LOXL1: variants seen among roughly 807,000 people sequenced by gnomAD.
LOXL1 encodes lysyl oxidase homolog 1.
In LOXL1, 31 loss-of-function variants were observed where a neutral mutation model predicts 62.2. The observed-to-expected ratio is 0.50, with a 90% confidence interval of 0.37 to 0.67. The LOEUF (loss-of-function observed/expected upper bound fraction) is 0.67. LOXL1 is among the 30% of genes least tolerant of loss of function. The probability of loss-of-function intolerance (pLI) is 0.00; values close to 1 mark genes in which losing one functional copy is unlikely to be tolerated. For synonymous variants in LOXL1, 403 were observed against 384.4 expected (o/e 1.05, Z -0.56); for missense variants, 775 against 843.4 (o/e 0.92, Z 1.00).
At chr15:73,938,319 G>GA (rs1166922192) in intron 1 of LOXL1, among the ~76,000 whole-genome samples, 29 of 91,014 alleles carry the variant, frequency 3.2e-4, no homozygotes, top group Admixed American at 1.1e-3. Context: ...ATCTATCTAG[G>GA]TAGATAGATA....
At chr15:73,944,411 C>T (rs1438256917) in intron 2 of LOXL1, among the ~76,000 whole-genome samples, 1 of 152,222 alleles carries the variant, frequency 6.6e-6, no homozygotes, top group Non-Finnish European at 1.5e-5. Context: ...CAGCCCTCAC[C>T]TGTACCCCAG....
chr15:73,927,327 G>A lies in LOXL1; in HGVS notation c.544G>A (p.Ala182Thr), dbSNP rs752419619. The A allele has an allele frequency of 8.1e-6, 13 of 1,603,302 alleles. No individual in the cohort carries two copies. The highest frequency in any genetic ancestry group is 1.7e-4 in the Middle Eastern group (1 of 6,030). The change falls in exon 1 of 7, where the codon GCG (alanine) becomes ACG (threonine). Residue 182 changes from alanine (A) to threonine (T), a missense_variant. Transcript: ENST00000261921. ...SYPQQFPYPQ[A>T]PFVSQYENYD... ...CCCGCAGCAGTTCCCCTACCCGCAGGCGCCCTTCGTCAGCCAGTACGAGAA... is the reference window on the plus strand; with the variant it reads ...CCCGCAGCAGTTCCCCTACCCGCAGACGCCCTTCGTCAGCCAGTACGAGAA...
intron 6 of LOXL1, 35 bp downstream of exon 6, chr15:73,949,609 C>G: frequency 6.9e-7 from 1 of 1,455,920 alleles, no homozygotes. Context: ...CTGGCTCCGT[C>G]CCTTTCCTGC....
At chr15:73,929,836 A>G (rs1055697461) in intron 1 of LOXL1, among the ~76,000 whole-genome samples, 2 of 152,234 alleles carry the variant, frequency 1.3e-5, no homozygotes, top group Non-Finnish European at 2.9e-5. Flanking sequence ...GGGCAGAGAA[A>G]ACTGAGCTCT....
chr15:73,944,308 A>C (rs1270760701), intron 2 of LOXL1, among the ~76,000 whole-genome samples: 1 of 152,246 alleles, frequency 6.6e-6, no homozygotes, highest in Admixed American at 6.5e-5. Context: ...CTCTTCATGA[A>C]GGATCCTGAG....
At chr15:73,939,696 T>C (rs574607615) in intron 1 of LOXL1, among the ~76,000 whole-genome samples, 1 of 152,292 alleles carries the variant, frequency 6.6e-6, no homozygotes, top group South Asian at 2.1e-4. Context: ...TTTATACATT[T>C]GTTAGAACTT....
Position 73,929,366 on chromosome 15 carries a change from GCCT to G in LOXL1, c.1102+1489_1102+1491del, listed in dbSNP as rs570166223. Among the ~76,000 whole-genome samples, 131 of 152,348 alleles carry G rather than the reference GCCT, an allele frequency of 8.6e-4. 3 individuals carry two copies. The Middle Eastern group carries it at 0.01, about 12-fold the overall frequency. On this transcript the variant is annotated intron_variant, in intron 1 of 6. Transcript: ENST00000261921. The stretch of plus-strand genomic sequence containing the variant: ...TCAGAGTATAGGTGCTAGTGCCCCA[GCCT>G]CCTCCTCAGCCTCTGTCAGCAGAGG...
intron 4 of LOXL1, 154 bp downstream of exon 4, chr15:73,947,377 C>T (rs2068755616): frequency 1.3e-6 from 1 of 758,990 alleles, no homozygotes; most frequent in Non-Finnish European, 2.1e-6. Flanking sequence ...GGCTGCCACA[C>T]TGCCCTGCAG....
In LOXL1 at chr15:73,945,179, T is replaced by C. The variant is rs1299430731; in HGVS notation, c.1212-1238T>C. 3.3e-5 allele frequency among the ~76,000 whole-genome samples: 5 copies of C among 152,172 alleles called. No homozygotes were observed. The highest frequency in any genetic ancestry group is 4.8e-5 in the African/African-American group (2 of 41,434). On this transcript the variant is annotated intron_variant, in intron 2 of 6. Transcript: ENST00000261921. The surrounding 1 kb of genome is among the most constrained non-coding windows in gnomAD (Gnocchi z 4.3). ...CTTTTGTCACAAGGCCTACCTCAGT[T>C]GGAAATCTGGAGTCAGCAGGTGACT...
In LOXL1 at chr15:73,927,258, T is replaced by G. The variant is rs78803776; in HGVS notation, c.475T>G (p.Ser159Ala). Residue 159 changes from serine to alanine, a missense_variant, in exon 1 of 7, where the codon TCG becomes GCG. Physicochemically the swap from Ser to Ala is moderately conservative, Grantham distance 99 (BLOSUM62 1). Transcript: ENST00000261921. ...QRHGGSASSV[S>A]ASAFASTYRQ... ...GCACGGGGGCTCCGCCTCCTCGGTCTCGGCTTCGGCCTTCGCCAGCACCTA... is the reference window on the plus strand; with the variant it reads ...GCACGGGGGCTCCGCCTCCTCGGTCGCGGCTTCGGCCTTCGCCAGCACCTA... 8.2e-3 allele frequency: 13,139 copies of G among 1,601,216 alleles called. 913 individuals are homozygous for G. The African/African-American group carries it at 0.16, about 19-fold the overall frequency.
intron 1 of LOXL1, among the ~76,000 whole-genome samples, chr15:73,933,777 C>T (rs2068651613): frequency 6.6e-6 from 1 of 152,254 alleles, no homozygotes; most frequent in Non-Finnish European, 1.5e-5. Flanking sequence ...CCAGGCGGCC[C>T]ACACCTCCTT....
chr15:73,935,255 T>C (rs990752913), intron 1 of LOXL1, among the ~76,000 whole-genome samples: 1 of 150,760 alleles, frequency 6.6e-6, no homozygotes, highest in Non-Finnish European at 1.5e-5. Flanking sequence ...TTCCAGAGAG[T>C]AGGAAGAGTG....
At chr15:73,931,495 T>C (rs1363186808) in intron 1 of LOXL1, among the ~76,000 whole-genome samples, 1 of 152,080 alleles carries the variant, frequency 6.6e-6, no homozygotes, top group African/African-American at 2.4e-5. Flanking sequence ...TAGAGGCACC[T>C]CCTTCCTGTC....
Position 73,927,812 on chromosome 15 carries a change from TG to T in LOXL1, c.1033del (p.Glu345SerfsTer82), listed in dbSNP as rs1421898046. On this transcript the variant is annotated frameshift_variant, in exon 1 of 7. Coordinates refer to ENST00000261921, the MANE Select transcript of LOXL1 (RefSeq NM_005576.4). LOFTEE classifies it high-confidence loss of function. The part of the protein sequence containing the change: ...VRSSDTPPPG[G>X]ERNGAQQGRL... Reference sequence around the variant, plus strand: ...GCAGCTCCGACACGCCCCCGCCGGGTGGGGAGCGGAACGGCGCGCAGCAGGG... The same window carrying T: ...GCAGCTCCGACACGCCCCCGCCGGGTGGGAGCGGAACGGCGCGCAGCAGGG... The T allele has an allele frequency of 7.3e-7, 1 of 1,367,898 alleles. No homozygotes were observed. Among genetic ancestry groups the T allele is most frequent in the Non-Finnish European group, 9.4e-7 (1 of 1,069,472 alleles). The allele number at this position is 1,367,898 out of a possible 1,614,324, so 84.7% of individuals were successfully genotyped here. A position where few individuals can be genotyped will look rare whatever the true frequency, so the allele number is the denominator to read the frequency against.
chr15:73,940,594 G>A (rs1156844485), intron 1 of LOXL1, among the ~76,000 whole-genome samples: 3 of 152,046 alleles, frequency 2.0e-5, no homozygotes, highest in African/African-American at 4.8e-5. Flanking sequence ...GACCAGCATC[G>A]GGACTCAGAC....
At chr15:73,935,696 T>G (rs28739347) in intron 1 of LOXL1, among the ~76,000 whole-genome samples, 1,866 of 152,236 alleles carry the variant, frequency 0.012, 43 homozygotes, top group African/African-American at 0.043. Context: ...GACCTCCGCA[T>G]TGGTTAGCAT....
intron 1 of LOXL1, among the ~76,000 whole-genome samples, chr15:73,934,103 CA>C (rs2068653959): frequency 6.6e-6 from 1 of 152,226 alleles, no homozygotes; most frequent in Non-Finnish European, 1.5e-5. Context: ...CTTTGCCATC[CA>C]AACCTCAAGA....
In LOXL1 at chr15:73,951,943, G is replaced by GAT; in HGVS notation, c.*106_*107insAT. On this transcript the variant is annotated 3_prime_UTR_variant, in exon 7 of 7. Coordinates refer to ENST00000261921, the MANE Select transcript of LOXL1 (RefSeq NM_005576.4). Reference sequence around the variant, plus strand: ...AGCCCCCAACCCACAGGCACGGAGGGGCATCCCTCCCTGCCGGCCTCAGGG... The same window carrying GAT: ...AGCCCCCAACCCACAGGCACGGAGGGATGCATCCCTCCCTGCCGGCCTCAGGG... The GAT allele has an allele frequency of 9.7e-7, 1 of 1,026,134 alleles. No individual in the cohort carries two copies. The highest frequency in any genetic ancestry group is 1.3e-6 in the Non-Finnish European group (1 of 770,376). 63.6% of individuals were successfully genotyped at this position (1,026,134 alleles called of 1,614,324 possible). A position where few individuals can be genotyped will look rare whatever the true frequency, so the allele number is the denominator to read the frequency against.
rs1368621887 is a variant in LOXL1, at chr15:73,930,233, C to T, written c.1102+2348C>T. On this transcript the variant is annotated intron_variant, in intron 1 of 6. Coordinates refer to ENST00000261921, the MANE Select transcript of LOXL1 (RefSeq NM_005576.4). This position sits in a 1 kb window ranked among gnomAD's most constrained non-coding sequence, Gnocchi z 4.7. Reference sequence around the variant, plus strand: ...TTTGTGAGCCCAGAGGAGGGCCCTCCCTGTCAGGGGCTAGGGCTCAGGGAG... The same window carrying T: ...TTTGTGAGCCCAGAGGAGGGCCCTCTCTGTCAGGGGCTAGGGCTCAGGGAG... 6.6e-6 allele frequency among the ~76,000 whole-genome samples: 1 copy of T among 152,110 alleles called. No homozygotes were observed. The highest frequency in any genetic ancestry group is 1.9e-4 in the East Asian group (1 of 5,172).
Sources: allele counts gnomAD v4.1 joint callset (sites outside exome capture counted in the v4.1 genomes callset), GRCh38; gene constraint gnomAD v4.1.1; non-coding constraint Gnocchi (gnomAD v3.1); transcripts MANE v1.5; gene names NCBI Gene and HGNC (gene_info 2026-07-23, HGNC 2026-07-21).